Variants in LYZL4 observed in about 807,000 individuals in gnomAD.
The protein encoded by LYZL4 is lysozyme-like protein 4.
A neutral mutation model predicts 17.6 loss-of-function variants in LYZL4; 13 were observed. That is an observed-to-expected ratio of 0.74 (90% CI 0.48 to 1.18). LYZL4 has a LOEUF of 1.18. LYZL4 is among the 50% of genes most tolerant of loss of function. The pLI, the probability that LYZL4 is intolerant of heterozygous loss-of-function variation, is 0.00. For synonymous variants in LYZL4, 64 were observed against 67.7 expected (o/e 0.95, Z 0.27); for missense variants, 174 against 188.2 (o/e 0.92, Z 0.44).
intron 1 of LYZL4, among the ~76,000 whole-genome samples, chr3:42,407,945 C>T (rs1266616955): frequency 5.9e-5 from 9 of 152,196 alleles, no homozygotes; most frequent in Admixed American, 3.3e-4. Context: ...TTTAGCTTTA[C>T]AGTGCTTCTG....
At chr3:42,385,610 C>T in the LYZL4 span, among the ~76,000 whole-genome samples, 1 of 152,156 alleles carries the variant, frequency 6.6e-6, no homozygotes, top group Non-Finnish European at 1.5e-5. Flanking sequence ...AGAGATGATG[C>T]CATTCACTCA....
the LYZL4 span, among the ~76,000 whole-genome samples, chr3:42,382,341 G>C: frequency 2.6e-5 from 4 of 152,186 alleles, no homozygotes; most frequent in African/African-American, 9.7e-5. Context: ...TGTGCGTGTA[G>C]TCTTGACAGA....
chr3:42,366,268 C>T, the LYZL4 span, among the ~76,000 whole-genome samples: 1 of 152,136 alleles, frequency 6.6e-6, no homozygotes, highest in African/African-American at 2.4e-5. Flanking sequence ...AAAACTTTGA[C>T]CTGATCTTTT....
rs779617824 is a variant in LYZL4, at chr3:42,407,169, G to C, written c.83C>G (p.Ala28Gly). The C allele has an allele frequency of 1.2e-6, 2 of 1,614,162 alleles. No homozygotes were observed. Among genetic ancestry groups the C allele is most frequent in the Non-Finnish European group, 1.7e-6 (2 of 1,180,036 alleles). Residue 28 changes from alanine to glycine, a missense_variant, in exon 2 of 5, where the codon GCT becomes GGT. Coordinates refer to ENST00000287748, the MANE Select transcript of LYZL4 (RefSeq NM_144634.4). The part of the protein sequence containing the change: ...GAYILGRCTV[A>G]KKLHDGGLDY... The stretch of plus-strand genomic sequence containing the variant: ...CAGGCCTCCATCGTGGAGTTTCTTA[G>C]CCACTGTGCAACGCCCCAAGATGTA...
At chr3:42,408,989 C>G (rs930284216) in intron 1 of LYZL4, among the ~76,000 whole-genome samples, 1 of 152,208 alleles carries the variant, frequency 6.6e-6, no homozygotes, top group Non-Finnish European at 1.5e-5. Flanking sequence ...TTAGAAGAAT[C>G]ATACTTTCAA....
At chr3:42,369,391 G>C in the LYZL4 span, among the ~76,000 whole-genome samples, 1 of 152,236 alleles carries the variant, frequency 6.6e-6, no homozygotes, top group African/African-American at 2.4e-5. Flanking sequence ...GAAGGCTTCA[G>C]ATCTCTTTGG....
rs376498159 is a variant in LYZL4, at chr3:42,401,598, T to G, written c.371+2448A>C. 2.4e-4 allele frequency among the ~76,000 whole-genome samples: 36 copies of G among 152,210 alleles called. No individual in the cohort carries two copies. In the East Asian group the frequency reaches 5.4e-3, roughly 23 times the overall value. On this transcript the variant is annotated intron_variant, in intron 4 of 4. Coordinates refer to ENST00000287748, the MANE Select transcript of LYZL4 (RefSeq NM_144634.4). ...TATAAAACTGACATCCTCAATAAGA[T>G]GTCACCAGATATGACCTTTGGAAAA...
chr3:42,366,095 TTC>T, the LYZL4 span, among the ~76,000 whole-genome samples: 1 of 151,910 alleles, frequency 6.6e-6, no homozygotes, highest in Non-Finnish European at 1.5e-5. Context: ...GGAAGGAGAC[TTC>T]TCTCTCCCCA....
At position 42,406,932 on chromosome 3, in the gene LYZL4, C is replaced by A. The variant is rs1698764852; in HGVS notation, c.206G>T (p.Gly69Val). ...PMAIYENTRE[G>V]YTGFGLFQMR... ...CTGAAAGAGGCCAAAGCCAGTGTAG[C>A]CCTCACGTGTGTTCTCGTAGATGGC... The change falls in exon 3 of 5, where the codon GGC (glycine) becomes GTC (valine). Residue 69 changes from glycine (G) to valine (V), a missense_variant. Coordinates refer to ENST00000287748, the MANE Select transcript of LYZL4 (RefSeq NM_144634.4). 6.2e-7 allele frequency: 1 copy of A among 1,614,106 alleles called. No individual in the cohort carries two copies. The highest frequency in any genetic ancestry group is 1.7e-5 in the Admixed American group (1 of 60,012).
chr3:42,403,448 A>AT (rs1252057304), intron 4 of LYZL4, among the ~76,000 whole-genome samples: 2 of 151,762 alleles, frequency 1.3e-5, no homozygotes, highest in Non-Finnish European at 2.9e-5. Flanking sequence ...TTATTTATTT[A>AT]TTTTTTTAGT....
chr3:42,369,341 TC>T, the LYZL4 span, among the ~76,000 whole-genome samples: 1 of 152,196 alleles, frequency 6.6e-6, no homozygotes, highest in Non-Finnish European at 1.5e-5. Context: ...TAATTTAGGG[TC>T]TTATTTTCTC....
the LYZL4 span, among the ~76,000 whole-genome samples, chr3:42,391,403 A>G: frequency 6.6e-6 from 1 of 152,170 alleles, no homozygotes; most frequent in South Asian, 2.1e-4. Context: ...GGGGACACCA[A>G]TAAAGGAGCT....
the LYZL4 span, among the ~76,000 whole-genome samples, chr3:42,370,760 A>C: frequency 3.3e-5 from 5 of 152,150 alleles, no homozygotes; most frequent in Non-Finnish European, 7.3e-5. Flanking sequence ...TCTTCTAATA[A>C]ATTCCTCTCT....
intron 4 of LYZL4, among the ~76,000 whole-genome samples, chr3:42,401,535 T>C (rs1263577583): frequency 2.0e-5 from 3 of 152,152 alleles, no homozygotes; most frequent in Non-Finnish European, 2.9e-5. Context: ...TAAAATTTAT[T>C]ATGAAAATAA....
At position 42,410,595 on chromosome 3, in the gene LYZL4, C is replaced by T. The variant is rs1698844768; in HGVS notation, c.-271G>A. On this transcript the variant is annotated 5_prime_UTR_variant, in exon 1 of 5. The change abolishes an upstream ATG in the 5' untranslated region. Transcript: ENST00000287748. The stretch of plus-strand genomic sequence containing the variant: ...CACTTGTCTGCACCCAAGAGTTCTC[C>T]ATGACATGCTCTTCTAGAATCCTTT... 1 of 152,224 alleles carries T rather than the reference C, an allele frequency of 6.6e-6. No homozygotes were observed. Among genetic ancestry groups the T allele is most frequent in the South Asian group, 2.1e-4 (1 of 4,834 alleles). 9.4% of individuals were successfully genotyped at this position (152,224 alleles called of 1,614,324 possible).
At chr3:42,362,636 C>T in the LYZL4 span, among the ~76,000 whole-genome samples, 3 of 152,270 alleles carry the variant, frequency 2.0e-5, no homozygotes, top group African/African-American at 7.2e-5. Context: ...GGGCACTAAT[C>T]CCATTCACAA....
chr3:42,369,558 G>C, the LYZL4 span, among the ~76,000 whole-genome samples: 1 of 152,182 alleles, frequency 6.6e-6, no homozygotes, highest in African/African-American at 2.4e-5. Flanking sequence ...AGCAGCCAAA[G>C]GTGCAGCGCC....
rs1250716807 is a variant in LYZL4, at chr3:42,404,071, T to C, written c.346A>G (p.Lys116Glu). 1.9e-6 allele frequency: 3 copies of C among 1,612,710 alleles called. No individual in the cohort carries two copies. The highest frequency in any genetic ancestry group is 2.5e-6 in the Non-Finnish European group (3 of 1,178,774). ...CATGCTCCCATCCCTTCTTTTCCTTTTACAATGGTCTTGGCACATTTAATT... is the reference window on the plus strand; with the variant it reads ...CATGCTCCCATCCCTTCTTTTCCTTCTACAATGGTCTTGGCACATTTAATT... ...KTIKCAKTIV[K>E]GKEGMGAWPT... Residue 116 changes from lysine (K) to glutamate (E), a missense_variant, in exon 4 of 5, where the codon AAA becomes GAA. Lys to Glu is a moderately conservative substitution (Grantham distance 56). Transcript: ENST00000287748.
intron 3 of LYZL4, among the ~76,000 whole-genome samples, 176 bp downstream of exon 3, chr3:42,406,670 C>T (rs536379724): frequency 3.3e-5 from 5 of 152,224 alleles, no homozygotes; most frequent in Admixed American, 1.3e-4. Flanking sequence ...ACAGCCTGAT[C>T]TCACTGTACC....
Sources: allele counts gnomAD v4.1 joint callset (sites outside exome capture counted in the v4.1 genomes callset), GRCh38; gene constraint gnomAD v4.1.1; transcripts MANE v1.5; gene names NCBI Gene and HGNC (gene_info 2026-07-23, HGNC 2026-07-21).